RABGAP1L: variants seen among roughly 807,000 people sequenced by gnomAD.
RABGAP1L encodes RAB GTPase activating protein 1 like.
A neutral mutation model predicts 137.7 loss-of-function variants in RABGAP1L; 63 were observed. That is an observed-to-expected ratio of 0.46 (90% CI 0.37 to 0.56). RABGAP1L has a LOEUF of 0.56. Among genes scored for constraint, RABGAP1L ranks in the 20% least tolerant of loss-of-function variants. The pLI, the probability that RABGAP1L is intolerant of heterozygous loss-of-function variation, is 0.00. For missense variants in RABGAP1L, 1,095 were observed against 1,244.0 expected, an observed-to-expected ratio of 0.88 and a Z score of 1.80; for synonymous variants, 431 against 433.7, an observed-to-expected ratio of 0.99 and a Z score of 0.08.
Position 174,395,838 on chromosome 1 carries a change from TA to T in RABGAP1L, c.1710+1710del, listed in dbSNP as rs59466961. ...GGGCAACATAGCAAGACCCTGTCTC[TA>T]AAAAAAAAAAAAAAAAGAAAGAATA... On this transcript the variant is annotated intron_variant, in intron 13 of 25. Coordinates refer to ENST00000681986, the MANE Select transcript of RABGAP1L (RefSeq NM_001366446.1). 1.2e-3 allele frequency among the ~76,000 whole-genome samples: 155 copies of T among 125,828 alleles called. 1 individual carries two copies. The highest frequency in any genetic ancestry group is 3.9e-3 in the Middle Eastern group (1 of 256). 82.5% of individuals were successfully genotyped at this position (125,828 alleles called of 152,430 possible).
chr1:174,329,869 T>G (rs1030922630), intron 11 of RABGAP1L, among the ~76,000 whole-genome samples: 2 of 150,996 alleles, frequency 1.3e-5, no homozygotes, highest in African/African-American at 4.9e-5. Flanking sequence ...TAACATCATA[T>G]TAAACAAGGA....
intron 13 of RABGAP1L, among the ~76,000 whole-genome samples, chr1:174,513,177 T>A (rs766988464): frequency 6.6e-6 from 1 of 152,190 alleles, no homozygotes; most frequent in Non-Finnish European, 1.5e-5. Context: ...TCGTTTATAT[T>A]TTCCCGTGCT....
At chr1:174,762,807 C>CTTTTTTTTTTTT in intron 18 of RABGAP1L, among the ~76,000 whole-genome samples, 1 of 81,828 alleles carries the variant, frequency 1.2e-5, no homozygotes, top group African/African-American at 4.8e-5. Flanking sequence ...GTCTCCTTTG[C>CTTTTTTTTTTTT]TTTTTTTTTT....
intron 14 of RABGAP1L, among the ~76,000 whole-genome samples, chr1:174,647,687 G>C (rs1675094603): frequency 6.6e-6 from 1 of 152,090 alleles, no homozygotes; most frequent in African/African-American, 2.4e-5. Context: ...TTGTGTCTCT[G>C]CCAGGTTTTG....
intron 12 of RABGAP1L, among the ~76,000 whole-genome samples, chr1:174,371,385 A>G (rs1374291479): frequency 5.9e-5 from 9 of 151,976 alleles, no homozygotes; most frequent in Admixed American, 5.9e-4. Context: ...TTTATGCTAT[A>G]TTGCCAATGC....
At chr1:174,463,967 T>C (rs559690115) in intron 13 of RABGAP1L, among the ~76,000 whole-genome samples, 3 of 152,198 alleles carry the variant, frequency 2.0e-5, no homozygotes, top group Non-Finnish European at 4.4e-5. Context: ...TACTACATAT[T>C]GGATTACAAA....
At chr1:174,478,633 A>G (rs1321070429) in intron 13 of RABGAP1L, among the ~76,000 whole-genome samples, 1 of 152,158 alleles carries the variant, frequency 6.6e-6, no homozygotes, top group Non-Finnish European at 1.5e-5. Flanking sequence ...ACTATATCCC[A>G]ACCTCAAATG....
In RABGAP1L at chr1:174,287,004, T is replaced by C. The variant is rs1283863241; in HGVS notation, c.1323+8225T>C. ...GTGTGTGTGACAAGAATGTGTATTTTGCTGCTGTTGGATAGGATGTTCTTT... is the reference window on the plus strand; with the variant it reads ...GTGTGTGTGACAAGAATGTGTATTTCGCTGCTGTTGGATAGGATGTTCTTT... On this transcript the variant is annotated intron_variant, in intron 10 of 25. Transcript: ENST00000681986. Among the ~76,000 whole-genome samples the C allele has an allele frequency of 4.6e-5, 7 of 152,172 alleles. No individual in the cohort carries two copies. In the South Asian group the frequency reaches 6.2e-4, roughly 14 times the overall value.
At chr1:174,452,854 C>T (rs1251670289) in intron 13 of RABGAP1L, among the ~76,000 whole-genome samples, 2 of 152,078 alleles carry the variant, frequency 1.3e-5, no homozygotes, top group Admixed American at 6.6e-5. Flanking sequence ...AGCCACTGCA[C>T]CCAGCCGGTA....
chr1:174,399,253 C>T (rs1353813127), intron 13 of RABGAP1L, among the ~76,000 whole-genome samples: 1 of 152,054 alleles, frequency 6.6e-6, no homozygotes, highest in Non-Finnish European at 1.5e-5. Context: ...AATGAGATGA[C>T]AAGTGCCTGT....
At chr1:174,205,317 G>C (rs1054936333) in intron 1 of RABGAP1L, among the ~76,000 whole-genome samples, 6 of 152,164 alleles carry the variant, frequency 3.9e-5, no homozygotes, top group Admixed American at 1.3e-4. Flanking sequence ...AGTTGGGGAG[G>C]AGTCCCTCCT....
chr1:174,393,868 C>T, intron 12 of RABGAP1L, 127 bp from the exon 13 acceptor site: 3 of 949,798 alleles, frequency 3.2e-6, no homozygotes, highest in Non-Finnish European at 3.1e-6. Flanking sequence ...TTGTTTAATG[C>T]CCCCCCACAA....
chr1:174,198,828 G>A (rs1196979764), intron 1 of RABGAP1L, among the ~76,000 whole-genome samples: 2 of 152,182 alleles, frequency 1.3e-5, no homozygotes, highest in Non-Finnish European at 2.9e-5. Flanking sequence ...GAGGGCCAGG[G>A]CCGGGCATGG....
At chr1:174,223,860 T>G (rs967471533) in intron 3 of RABGAP1L, among the ~76,000 whole-genome samples, 1 of 152,208 alleles carries the variant, frequency 6.6e-6, no homozygotes, top group African/African-American at 2.4e-5. Context: ...ATTGGCTTGT[T>G]ATAGAAGTGA....
At chr1:174,366,591 G>A (rs533302828) in intron 11 of RABGAP1L, among the ~76,000 whole-genome samples, 5 of 151,842 alleles carry the variant, frequency 3.3e-5, no homozygotes, top group Admixed American at 1.3e-4. Flanking sequence ...CCAAAATGGT[G>A]AAACCTCATC....
chr1:174,924,099 A>G (rs1662273227), intron 19 of RABGAP1L, among the ~76,000 whole-genome samples: 1 of 152,036 alleles, frequency 6.6e-6, no homozygotes, highest in South Asian at 2.1e-4. Flanking sequence ...AGAAAGATAC[A>G]AAGTACTGAC....
chr1:174,862,222 CT>C (rs1650374555), intron 19 of RABGAP1L, among the ~76,000 whole-genome samples: 1 of 152,086 alleles, frequency 6.6e-6, no homozygotes, highest in African/African-American at 2.4e-5. Context: ...GTGTATTCTC[CT>C]TGGTGCCCTT....
intron 19 of RABGAP1L, among the ~76,000 whole-genome samples, chr1:174,840,670 G>A (rs1023993323): frequency 6.6e-6 from 1 of 150,628 alleles, no homozygotes; most frequent in Non-Finnish European, 1.5e-5. Flanking sequence ...AAAAAATTTA[G>A]CTGGGCGTGG....
chr1:174,415,721 G>A (rs1379057641), intron 13 of RABGAP1L, among the ~76,000 whole-genome samples: 1 of 151,864 alleles, frequency 6.6e-6, no homozygotes, highest in African/African-American at 2.4e-5. Context: ...CTGTCTAGTT[G>A]GCATTTAGAT....
Sources: allele counts gnomAD v4.1 joint callset (sites outside exome capture counted in the v4.1 genomes callset), GRCh38; gene constraint gnomAD v4.1.1; transcripts MANE v1.5; gene names NCBI Gene and HGNC (gene_info 2026-07-23, HGNC 2026-07-21).